Variants in KCNMA1 observed in about 807,000 individuals in gnomAD.
The protein encoded by KCNMA1 is potassium calcium-activated channel subfamily M alpha 1.
KCNMA1 carries 29 observed loss-of-function variants against 140.0 expected under a neutral mutation model. The ratio of observed to expected loss-of-function variants is 0.21; its 90% CI spans 0.15 to 0.28. The LOEUF is 0.28. KCNMA1 is among the 10% of genes least tolerant of loss of function. The pLI, the probability that KCNMA1 is intolerant of heterozygous loss-of-function variation, is 1.00. For missense variants in KCNMA1, 880 were observed against 1,602.2 expected (o/e 0.55, Z 7.70); for synonymous variants, 612 against 611.9 (o/e 1.00, Z 0.00).
chr10:77,538,053 T>G (rs910482111), intron 1 of KCNMA1, among the ~76,000 whole-genome samples: 1 of 151,396 alleles, frequency 6.6e-6, no homozygotes, highest in Non-Finnish European at 1.5e-5. Context: ...CATATTCACA[T>G]ACTCTACACA....
At position 77,201,606 on chromosome 10, in the gene KCNMA1, G is replaced by A. The variant is rs1426271902; in HGVS notation, c.603-16690C>T. Among the ~76,000 whole-genome samples, 6 of 152,304 alleles carry A rather than the reference G, an allele frequency of 3.9e-5. No individual in the cohort carries two copies. In the South Asian group the frequency reaches 6.2e-4, roughly 16 times the overall value. ...AGGCCTAAGTGCTGGGATTACAGGC[G>A]TGAGGCACCGCACCCAGCCTGAAAT... is the stretch of plus-strand genomic sequence containing the variant. On this transcript the variant is annotated intron_variant, in intron 3 of 27. Coordinates refer to ENST00000286628, the MANE Select transcript of KCNMA1 (RefSeq NM_001161352.2).
At chr10:77,273,129 C>A (rs759727228) in intron 2 of KCNMA1, among the ~76,000 whole-genome samples, 2 of 152,138 alleles carry the variant, frequency 1.3e-5, no homozygotes, top group African/African-American at 2.4e-5. Flanking sequence ...TATAAGGTAG[C>A]TGTAAATAAG....
At chr10:77,508,742 T>C (rs2154547805) in intron 1 of KCNMA1, among the ~76,000 whole-genome samples, 1 of 152,140 alleles carries the variant, frequency 6.6e-6, no homozygotes, top group Admixed American at 6.5e-5. Flanking sequence ...ATCATCACCA[T>C]CCACGTCCAG....
At chr10:77,118,291 C>T (rs1246405082) in intron 6 of KCNMA1, among the ~76,000 whole-genome samples, 1 of 152,212 alleles carries the variant, frequency 6.6e-6, no homozygotes, top group East Asian at 1.9e-4. Flanking sequence ...AAAGCCAAGG[C>T]TGCACTTTCT....
intron 1 of KCNMA1, among the ~76,000 whole-genome samples, chr10:77,459,585 G>C (rs531487822): frequency 6.6e-6 from 1 of 152,310 alleles, no homozygotes; most frequent in African/African-American, 2.4e-5. Context: ...CATTAGGCAG[G>C]CTGGTCCCCG....
chr10:77,270,250 G>T (rs140927855), intron 2 of KCNMA1, among the ~76,000 whole-genome samples: 2 of 152,160 alleles, frequency 1.3e-5, no homozygotes, highest in African/African-American at 2.4e-5. Context: ...CACCATTTTT[G>T]AGCAAAATGG....
intron 15 of KCNMA1, among the ~76,000 whole-genome samples, chr10:77,034,453 G>A (rs2094177037): frequency 6.6e-6 from 1 of 152,180 alleles, no homozygotes; most frequent in African/African-American, 2.4e-5. Context: ...CTGGGCAAGA[G>A]GCCCAGCTTT....
At chr10:77,162,261 C>A (rs570706) in intron 5 of KCNMA1, among the ~76,000 whole-genome samples, 30,715 of 152,116 alleles carry the variant, frequency 0.2, 4,577 homozygotes, top group East Asian at 0.7. Context: ...GATAAGCAAA[C>A]AAAATCTCTC....
intron 2 of KCNMA1, among the ~76,000 whole-genome samples, chr10:77,318,084 A>C (rs921430846): frequency 1.3e-5 from 2 of 152,160 alleles, no homozygotes; most frequent in Non-Finnish European, 2.9e-5. Flanking sequence ...GTCTCATACT[A>C]TCTCGTGTAA....
intron 16 of KCNMA1, 70 bp from the exon 17 acceptor site, chr10:77,019,169 G>A: frequency 1.2e-6 from 1 of 860,284 alleles, no homozygotes; most frequent in Non-Finnish European, 2.0e-6. Flanking sequence ...AACCTTGAAG[G>A]CTACACCATA....
chr10:76,900,495 G>T (rs1380213230), intron 25 of KCNMA1, among the ~76,000 whole-genome samples: 5 of 151,726 alleles, frequency 3.3e-5, no homozygotes, highest in Non-Finnish European at 7.4e-5. Flanking sequence ...TATATTTTCT[G>T]CTGTGAAAAT....
chr10:77,176,269 G>A (rs2098750798), intron 5 of KCNMA1, among the ~76,000 whole-genome samples: 1 of 152,174 alleles, frequency 6.6e-6, no homozygotes, highest in Non-Finnish European at 1.5e-5. Context: ...GGGTTTCTCT[G>A]TAAACTCCAG....
intron 2 of KCNMA1, among the ~76,000 whole-genome samples, chr10:77,356,518 G>A (rs1033417292): frequency 2.0e-5 from 3 of 152,104 alleles, no homozygotes; most frequent in Admixed American, 6.6e-5. Flanking sequence ...ATTAGACACC[G>A]TGTGGCCTTT....
At chr10:76,975,177 T>C (rs1415327391) in intron 19 of KCNMA1, 1 of 152,228 alleles carries the variant, frequency 6.6e-6, no homozygotes, top group Non-Finnish European at 1.5e-5. Context: ...TATGGAGTGA[T>C]GGTAAAATTC....
intron 13 of KCNMA1, among the ~76,000 whole-genome samples, chr10:77,079,192 C>T (rs1249978287): frequency 1.3e-5 from 2 of 152,082 alleles, no homozygotes; most frequent in Admixed American, 6.5e-5. Flanking sequence ...ATTGCTTGAA[C>T]TTGGGAGGTG....
intron 1 of KCNMA1, among the ~76,000 whole-genome samples, chr10:77,488,504 A>G (rs1440576230): frequency 6.6e-6 from 1 of 152,194 alleles, no homozygotes; most frequent in South Asian, 2.1e-4. Context: ...GTGAGGGAGC[A>G]GCTGAGCCAG....
intron 1 of KCNMA1, among the ~76,000 whole-genome samples, chr10:77,466,372 C>T (rs935803573): frequency 6.6e-6 from 1 of 152,178 alleles, no homozygotes; most frequent in Non-Finnish European, 1.5e-5. Flanking sequence ...ATTGACACAG[C>T]CACCCATGTA....
intron 25 of KCNMA1, among the ~76,000 whole-genome samples, chr10:76,894,501 T>C (rs1453319508): frequency 6.6e-6 from 1 of 152,068 alleles, no homozygotes; most frequent in African/African-American, 2.4e-5. Flanking sequence ...ATTTAAAAAA[T>C]ATTTGTTCTT....
chr10:77,597,560 A>G (rs1416495794), intron 1 of KCNMA1, among the ~76,000 whole-genome samples: 2 of 152,206 alleles, frequency 1.3e-5, no homozygotes, highest in Non-Finnish European at 2.9e-5. Context: ...GGGGACAAGA[A>G]TGTAATAAGA....
Sources: gnomAD v4.1 joint callset for allele counts (sites outside exome capture counted in the v4.1 genomes callset) on GRCh38, gnomAD v4.1.1 for gene constraint, MANE v1.5 for transcripts, NCBI Gene and HGNC (gene_info 2026-07-23, HGNC 2026-07-21) for gene names.